Variants in PRELID2 observed in about 807,000 individuals in gnomAD.
PRELID2 encodes the protein PRELI domain containing 2.
In PRELID2, 25 loss-of-function variants were observed where a neutral mutation model predicts 28.4. The observed-to-expected ratio is 0.88, with a 90% CI of 0.64 to 1.23. The LOEUF (loss-of-function observed/expected upper bound fraction) is 1.23. Among genes scored for constraint, PRELID2 ranks in the 50% most tolerant of loss-of-function variants. PRELID2 has a pLI of 0.00. For synonymous variants in PRELID2, 76 were observed against 71.6 expected, an observed-to-expected ratio of 1.06 and a Z score of -0.31; for missense variants, 201 against 214.4, an observed-to-expected ratio of 0.94 and a Z score of 0.39.
chr5:145,552,307 G>C (rs1385357699), intron 1 of PRELID2, among the ~76,000 whole-genome samples: 1 of 152,054 alleles, frequency 6.6e-6, no homozygotes, highest in African/African-American at 2.4e-5. Flanking sequence ...TTGTTAAAAT[G>C]TCCACCTTCT....
chr5:145,254,117 C>T, the PRELID2 span, among the ~76,000 whole-genome samples: 1 of 152,048 alleles, frequency 6.6e-6, no homozygotes, highest in African/African-American at 2.4e-5. Context: ...TTATGTGTGC[C>T]GATGAATGAC....
chr5:145,236,234 A>C, the PRELID2 span, among the ~76,000 whole-genome samples: 1 of 152,174 alleles, frequency 6.6e-6, no homozygotes, highest in Non-Finnish European at 1.5e-5. Context: ...CCTCAACCAC[A>C]GCTGTGTCTC....
In PRELID2 at chr5:145,615,327, G is replaced by GT. The variant is rs141780236; in HGVS notation, n.71-142013dup. Among the ~76,000 whole-genome samples the GT allele has an allele frequency of 3.6e-4, 25 of 68,866 alleles. 2 individuals carry two copies. Among genetic ancestry groups the GT allele is most frequent in the East Asian group, 1.1e-3 (3 of 2,616 alleles). 45.2% of individuals were successfully genotyped at this position (68,866 alleles called of 152,430 possible). ...TGTGTTATGTGAGTCTCTTTTTTTT[G>GT]TTTTTTTTTTTTTTTTTTGAGACGG... On this transcript the variant is annotated intron_variant and non_coding_transcript_variant, in intron 1 of 2. Transcript: ENST00000510259.
chr5:145,338,705 C>T, the PRELID2 span, among the ~76,000 whole-genome samples: 8 of 152,162 alleles, frequency 5.3e-5, no homozygotes, highest in African/African-American at 1.9e-4. Flanking sequence ...TCAATTCCTA[C>T]CACATGCTAT....
At chr5:145,536,422 A>G (rs369530263) in intron 1 of PRELID2, among the ~76,000 whole-genome samples, 2 of 152,080 alleles carry the variant, frequency 1.3e-5, no homozygotes, top group African/African-American at 4.8e-5. Context: ...CGGGAAGTAA[A>G]TCATTTCACG....
chr5:145,640,419 T>C (rs1291148970), intron 1 of PRELID2, among the ~76,000 whole-genome samples: 7 of 141,574 alleles, frequency 4.9e-5, no homozygotes, highest in Non-Finnish European at 6.0e-5. Context: ...GAGCTTGCAG[T>C]GAGCCGAGAT....
chr5:145,740,751 T>C (rs1354497927), intron 1 of PRELID2, among the ~76,000 whole-genome samples: 4 of 118,624 alleles, frequency 3.4e-5, no homozygotes, highest in African/African-American at 1.3e-4. Context: ...AAATATATTA[T>C]ATATTTATGT....
the PRELID2 span, among the ~76,000 whole-genome samples, chr5:145,296,809 C>G: frequency 2.0e-5 from 3 of 152,260 alleles, no homozygotes; most frequent in Admixed American, 2.0e-4. Flanking sequence ...GTCCCACCAA[C>G]AGTGTAAAAG....
intron 2 of PRELID2, among the ~76,000 whole-genome samples, chr5:145,821,079 G>A (rs1331596561): frequency 6.6e-6 from 1 of 151,388 alleles, no homozygotes; most frequent in African/African-American, 2.4e-5. Context: ...GGTGCCAGCT[G>A]TGACCAATTA....
chr5:145,623,053 A>C (rs1337446173), intron 1 of PRELID2, among the ~76,000 whole-genome samples: 2 of 152,106 alleles, frequency 1.3e-5, no homozygotes, highest in Non-Finnish European at 2.9e-5. Flanking sequence ...ATGTAATATA[A>C]GGGTATTTTA....
chr5:145,653,768 T>C (rs538773856), intron 1 of PRELID2, among the ~76,000 whole-genome samples: 2 of 152,346 alleles, frequency 1.3e-5, no homozygotes, highest in South Asian at 4.1e-4. Flanking sequence ...GGGAAATTTA[T>C]AGCATTAAAT....
chr5:145,475,792 T>C (rs1752095259), intron 1 of PRELID2, among the ~76,000 whole-genome samples: 1 of 152,206 alleles, frequency 6.6e-6, no homozygotes, highest in Non-Finnish European at 1.5e-5. Flanking sequence ...ATAAATAGTC[T>C]CTATGATCTA....
chr5:145,405,699 G>GTTTTTTT, the PRELID2 span, among the ~76,000 whole-genome samples: 4 of 45,992 alleles, frequency 8.7e-5, 1 homozygote, highest in Non-Finnish European at 9.6e-5. Flanking sequence ...GTACCACATA[G>GTTTTTTT]TTGTTTTTTT....
At chr5:145,337,341 A>T in the PRELID2 span, among the ~76,000 whole-genome samples, 1 of 151,680 alleles carries the variant, frequency 6.6e-6, no homozygotes. Flanking sequence ...AAAAGAAGAC[A>T]CCTCCACACA....
intron 1 of PRELID2, among the ~76,000 whole-genome samples, chr5:145,489,425 C>T (rs1040568902): frequency 3.3e-5 from 5 of 152,018 alleles, no homozygotes; most frequent in African/African-American, 7.2e-5. Flanking sequence ...CATGCATGAT[C>T]TTATGTAAGA....
chr5:145,440,332 C>T, the PRELID2 span, among the ~76,000 whole-genome samples: 7 of 152,080 alleles, frequency 4.6e-5, no homozygotes, highest in Admixed American at 1.3e-4. Context: ...CCTTGTGAAC[C>T]TCACTATCAA....
the PRELID2 span, among the ~76,000 whole-genome samples, chr5:145,318,828 C>A: frequency 6.6e-6 from 1 of 152,140 alleles, no homozygotes; most frequent in Non-Finnish European, 1.5e-5. Flanking sequence ...AGGTTCCTGT[C>A]TGGCATCCAG....
At chr5:145,373,258 C>A in the PRELID2 span, among the ~76,000 whole-genome samples, 1 of 78,258 alleles carries the variant, frequency 1.3e-5, no homozygotes, top group South Asian at 5.3e-4. Context: ...ATATATATTA[C>A]AACATATATA....
At chr5:145,433,422 T>G in the PRELID2 span, among the ~76,000 whole-genome samples, 1 of 152,138 alleles carries the variant, frequency 6.6e-6, no homozygotes, top group Non-Finnish European at 1.5e-5. Context: ...GCCAGGTGGC[T>G]TCCCGATTCA....
Sources: gnomAD v4.1 joint callset for allele counts (sites outside exome capture counted in the v4.1 genomes callset) on GRCh38, gnomAD v4.1.1 for gene constraint, MANE v1.5 for transcripts, NCBI Gene and HGNC (gene_info 2026-07-23, HGNC 2026-07-21) for gene names.